YES1: variants seen among roughly 807,000 people sequenced by gnomAD.
YES1 encodes the protein YES proto-oncogene 1, Src family tyrosine kinase, also known as tyrosine-protein kinase Yes.
In YES1, 39 loss-of-function variants were observed where a neutral mutation model predicts 70.4. The ratio of observed to expected loss-of-function variants is 0.55; its 90% CI spans 0.43 to 0.72. The LOEUF (loss-of-function observed/expected upper bound fraction) is 0.72, where lower values mean the gene tolerates loss of function less well. YES1 is among the 30% of genes least tolerant of loss of function. The pLI is 0.00. For synonymous variants in YES1, 198 were observed against 218.6 expected, an observed-to-expected ratio of 0.91 and a Z score of 0.83; for missense variants, 495 against 644.8, an observed-to-expected ratio of 0.77 and a Z score of 2.52.
At chr18:779,094 A>G (rs553281562) in intron 1 of YES1, among the ~76,000 whole-genome samples, 1 of 152,296 alleles carries the variant, frequency 6.6e-6, no homozygotes, top group Non-Finnish European at 1.5e-5. Context: ...AGCCATGAGA[A>G]GAGCCTGATG....
At chr18:766,896 T>C (rs1904936580) in intron 1 of YES1, among the ~76,000 whole-genome samples, 1 of 152,224 alleles carries the variant, frequency 6.6e-6, no homozygotes, top group Admixed American at 6.5e-5. Flanking sequence ...TATACTAAAC[T>C]GTGATATTTC....
At chr18:804,184 T>C (rs115737875) in intron 1 of YES1, among the ~76,000 whole-genome samples, 2,738 of 152,350 alleles carry the variant, frequency 0.018, 90 homozygotes, top group African/African-American at 0.063. Context: ...AATGTAAATT[T>C]TGATGATAGT....
chr18:786,587 G>A (rs1238121263), intron 1 of YES1, among the ~76,000 whole-genome samples: 5 of 150,744 alleles, frequency 3.3e-5, no homozygotes, highest in African/African-American at 1.2e-4. Flanking sequence ...TCACCTGCTT[G>A]CCAAAATTAA....
chr18:809,062 T>C (rs1335108796), intron 1 of YES1, among the ~76,000 whole-genome samples: 1 of 151,962 alleles, frequency 6.6e-6, no homozygotes, highest in Non-Finnish European at 1.5e-5. Flanking sequence ...AATTGTCATG[T>C]TATGTAATTT....
intron 1 of YES1, among the ~76,000 whole-genome samples, chr18:806,180 C>A (rs116923188): frequency 6.6e-6 from 1 of 152,100 alleles, no homozygotes; most frequent in South Asian, 2.1e-4. Flanking sequence ...TGATGAGATA[C>A]CAAATGCATT....
chr18:774,380 C>T (rs1049229861), intron 1 of YES1, among the ~76,000 whole-genome samples: 1 of 152,224 alleles, frequency 6.6e-6, no homozygotes, highest in Non-Finnish European at 1.5e-5. Flanking sequence ...CTCACTCCAA[C>T]TCACTTTTAA....
chr18:786,260 G>A (rs1422332704), intron 1 of YES1, among the ~76,000 whole-genome samples: 1 of 151,036 alleles, frequency 6.6e-6, no homozygotes, highest in East Asian at 1.9e-4. Flanking sequence ...AGAAGATGGG[G>A]TGGGGGTGGG....
intron 1 of YES1, among the ~76,000 whole-genome samples, chr18:779,850 T>C (rs534806094): frequency 4.6e-5 from 7 of 152,308 alleles, no homozygotes; most frequent in African/African-American, 2.4e-5. Context: ...TCTTCTTTAA[T>C]TGGGGTTTTA....
At chr18:760,646 G>C (rs1404696055) in intron 1 of YES1, among the ~76,000 whole-genome samples, 5 of 152,104 alleles carry the variant, frequency 3.3e-5, no homozygotes, top group African/African-American at 1.2e-4. Context: ...TGGATCTTGA[G>C]GGATGACTAA....
intron 11 of YES1, among the ~76,000 whole-genome samples, chr18:729,510 T>C (rs2080062002): frequency 6.6e-6 from 1 of 152,066 alleles, no homozygotes; most frequent in Non-Finnish European, 1.5e-5. Flanking sequence ...TTTTTCATTA[T>C]TTTGCAAAAC....
At chr18:758,002 G>C (rs951238076) in intron 1 of YES1, among the ~76,000 whole-genome samples, 5 of 151,992 alleles carry the variant, frequency 3.3e-5, no homozygotes, top group African/African-American at 1.2e-4. Flanking sequence ...AGCAAATACT[G>C]TTGTATTCTG....
intron 1 of YES1, among the ~76,000 whole-genome samples, chr18:765,155 G>A (rs1904818759): frequency 6.7e-6 from 1 of 149,590 alleles, no homozygotes; most frequent in African/African-American, 2.5e-5. Flanking sequence ...AGAGAAATTA[G>A]GAAGCAACCA....
intron 1 of YES1, among the ~76,000 whole-genome samples, chr18:787,076 CTGTCTTTTTTTTTTT>C (rs1223086769): frequency 3.2e-5 from 3 of 93,054 alleles, no homozygotes; most frequent in African/African-American, 1.2e-4. Context: ...GTGATACATA[CTGTCTTTTTTTTTTT>C]TTTTTTTTTT....
At chr18:754,512 C>T (rs1244408269) in intron 2 of YES1, among the ~76,000 whole-genome samples, 2 of 152,054 alleles carry the variant, frequency 1.3e-5, no homozygotes, top group South Asian at 2.1e-4. Context: ...TTAAGACCAG[C>T]CTGGCCAACG....
upstream of YES1, chr18:812,339 C>A (rs1907451748): frequency 2.9e-5 from 4 of 138,882 alleles, no homozygotes; most frequent in South Asian, 2.4e-4. Flanking sequence ...CCCCCCCCCC[C>A]GGCCCCGCCC....
At chr18:752,694 G>A (rs1343349398) in intron 2 of YES1, among the ~76,000 whole-genome samples, 1 of 152,130 alleles carries the variant, frequency 6.6e-6, no homozygotes, top group Non-Finnish European at 1.5e-5. Flanking sequence ...TGTAATCTCA[G>A]CACTTTGGGA....
intron 2 of YES1, among the ~76,000 whole-genome samples, chr18:753,347 T>C (rs1255837920): frequency 6.6e-6 from 1 of 152,204 alleles, no homozygotes; most frequent in African/African-American, 2.4e-5. Context: ...ATACAATATA[T>C]TGTTATTAAC....
chr18:763,819 G>A (rs561161544), intron 1 of YES1, among the ~76,000 whole-genome samples: 1 of 151,816 alleles, frequency 6.6e-6, no homozygotes, highest in African/African-American at 2.4e-5. Context: ...ATGGAAAGAG[G>A]AGACATTAAG....
At chr18:755,272 A>T (rs1297778941) in intron 2 of YES1, among the ~76,000 whole-genome samples, 1 of 150,424 alleles carries the variant, frequency 6.6e-6, no homozygotes, top group Non-Finnish European at 1.5e-5. Flanking sequence ...TTTTGGAGAC[A>T]GAGTCTCGCT....
Sources: allele counts gnomAD v4.1 joint callset (sites outside exome capture counted in the v4.1 genomes callset), GRCh38; gene constraint gnomAD v4.1.1; transcripts MANE v1.5; gene names NCBI Gene and HGNC (gene_info 2026-07-23, HGNC 2026-07-21).